AMBRA1: variants seen among roughly 807,000 people sequenced by gnomAD.
The protein encoded by AMBRA1 is autophagy and beclin 1 regulator 1, also known as activating molecule in BECN1-regulated autophagy protein 1.
Under a neutral mutation model 125.4 loss-of-function variants are expected in AMBRA1, and 47 were observed. The observed-to-expected ratio is 0.37, with a 90% CI of 0.30 to 0.48. The LOEUF is 0.48. AMBRA1 is among the 20% of genes least tolerant of loss of function. AMBRA1 has a pLI of 0.99. For synonymous variants in AMBRA1, 626 were observed against 655.5 expected (o/e 0.95, Z 0.69); for missense variants, 1,331 against 1,693.4 (o/e 0.79, Z 3.76).
intron 11 of AMBRA1, among the ~76,000 whole-genome samples, chr11:46,479,614 T>C (rs1252986155): frequency 6.6e-6 from 1 of 151,954 alleles, no homozygotes; most frequent in Non-Finnish European, 1.5e-5. Context: ...GGAGAATCAC[T>C]TGAACCCAGG....
At chr11:46,508,744 T>C (rs1951153052) in intron 8 of AMBRA1, among the ~76,000 whole-genome samples, 1 of 152,344 alleles carries the variant, frequency 6.6e-6, no homozygotes, top group East Asian at 1.9e-4. Context: ...TCACCATCCA[T>C]ACGCAAAATG....
chr11:46,464,569 AG>A (rs1424646778), intron 11 of AMBRA1, among the ~76,000 whole-genome samples: 8 of 152,100 alleles, frequency 5.3e-5, no homozygotes, highest in Admixed American at 3.3e-4. Flanking sequence ...TGTGTTCATG[AG>A]TGTGTTATTA....
intron 7 of AMBRA1, among the ~76,000 whole-genome samples, chr11:46,529,650 C>T (rs939817143): frequency 1.3e-5 from 2 of 152,162 alleles, no homozygotes; most frequent in Non-Finnish European, 2.9e-5. Flanking sequence ...CATGCCTTGA[C>T]GAAAGGGGCT....
At chr11:46,524,481 G>A (rs942912991) in intron 7 of AMBRA1, among the ~76,000 whole-genome samples, 1 of 152,198 alleles carries the variant, frequency 6.6e-6, no homozygotes, top group Non-Finnish European at 1.5e-5. Flanking sequence ...AGAAAACTCT[G>A]AGTAACTAAA....
chr11:46,561,111 T>C (rs932016163), intron 1 of AMBRA1, among the ~76,000 whole-genome samples: 8 of 152,178 alleles, frequency 5.3e-5, no homozygotes, highest in African/African-American at 1.9e-4. Flanking sequence ...CCAGGCGCAG[T>C]AGCTCACACC....
intron 1 of AMBRA1, among the ~76,000 whole-genome samples, chr11:46,581,407 G>C (rs1444884687): frequency 6.6e-6 from 1 of 151,920 alleles, no homozygotes; most frequent in African/African-American, 2.4e-5. Context: ...AGGAGATCGA[G>C]ACCATCCTGG....
chr11:46,418,379 T>C (rs1946673327), intron 14 of AMBRA1, among the ~76,000 whole-genome samples: 1 of 144,458 alleles, frequency 6.9e-6, no homozygotes, highest in Admixed American at 7.1e-5. Flanking sequence ...TATATATAAA[T>C]ATATATATTT....
chr11:46,517,146 C>CT (rs369058163), intron 7 of AMBRA1, among the ~76,000 whole-genome samples: 3,213 of 121,978 alleles, frequency 0.026, 84 homozygotes, highest in African/African-American at 0.036. Context: ...TACTCAAAAG[C>CT]TTTTTTTTTT....
chr11:46,431,921 A>G (rs1947470603), intron 14 of AMBRA1, among the ~76,000 whole-genome samples: 1 of 152,248 alleles, frequency 6.6e-6, no homozygotes, highest in African/African-American at 2.4e-5. Context: ...TGATATCAAG[A>G]GGACAGAATG....
intron 12 of AMBRA1, among the ~76,000 whole-genome samples, chr11:46,441,239 C>T (rs1947986941): frequency 6.6e-6 from 1 of 152,108 alleles, no homozygotes; most frequent in Non-Finnish European, 1.5e-5. Context: ...CTGGGCCGGG[C>T]ACGGTGGCTC....
chr11:46,443,152 A>G (rs1948102987), intron 12 of AMBRA1, among the ~76,000 whole-genome samples: 1 of 152,250 alleles, frequency 6.6e-6, no homozygotes, highest in South Asian at 2.1e-4. Flanking sequence ...CTAGTAGTTC[A>G]CTGGTCAAAA....
At chr11:46,477,648 G>C (rs774743448) in intron 11 of AMBRA1, among the ~76,000 whole-genome samples, 1 of 151,868 alleles carries the variant, frequency 6.6e-6, no homozygotes, top group Non-Finnish European at 1.5e-5. Flanking sequence ...TTGAGGACAC[G>C]TCTTTATTGT....
In AMBRA1 at chr11:46,588,775, CAAAAA is replaced by C. The variant is rs201030293; in HGVS notation, c.-121+5048_-121+5052del. The stretch of plus-strand genomic sequence containing the variant: ...GGGCAACAAGAGCGAAACTCCATCT[CAAAAA>C]AAAAAAAAAAAAAGTATTATGATGG... On this transcript the variant is annotated intron_variant, in intron 1 of 17. Transcript: ENST00000683756. Among the ~76,000 whole-genome samples, 58 of 97,982 alleles carry C rather than the reference CAAAAA, an allele frequency of 5.9e-4. 1 individual carries two copies. Among genetic ancestry groups the C allele is most frequent in the Non-Finnish European group, 4.4e-5 (2 of 45,222 alleles). The allele number at this position is 97,982 out of a possible 152,430, so 64.3% of individuals were successfully genotyped here.
intron 14 of AMBRA1, among the ~76,000 whole-genome samples, chr11:46,430,138 TAAAG>T (rs1947381889): frequency 6.6e-6 from 1 of 151,906 alleles, no homozygotes; most frequent in African/African-American, 2.4e-5. Context: ...TGATTCAACA[TAAAG>T]AAAAGACTCC....
chr11:46,402,809 T>C (rs1425583871), intron 17 of AMBRA1, among the ~76,000 whole-genome samples: 1 of 152,162 alleles, frequency 6.6e-6, no homozygotes, highest in Non-Finnish European at 1.5e-5. Context: ...AAAGAATGAA[T>C]GGAAGATTTT....
chr11:46,448,308 T>C (rs1284640367), intron 11 of AMBRA1, among the ~76,000 whole-genome samples: 1 of 152,154 alleles, frequency 6.6e-6, no homozygotes, highest in Non-Finnish European at 1.5e-5. Context: ...AAAAGATAAC[T>C]GGAAAATCCT....
intron 7 of AMBRA1, among the ~76,000 whole-genome samples, chr11:46,526,768 T>C (rs1210443191): frequency 6.6e-6 from 1 of 152,126 alleles, no homozygotes; most frequent in East Asian, 1.9e-4. Context: ...TGAATCGGTT[T>C]TAAGTCACTA....
At chr11:46,476,474 C>T (rs778922064) in intron 11 of AMBRA1, among the ~76,000 whole-genome samples, 38 of 152,178 alleles carry the variant, frequency 2.5e-4, no homozygotes, top group African/African-American at 3.4e-4. Flanking sequence ...CTGCTTCTAT[C>T]CCATAGGACC....
At chr11:46,486,222 T>C (rs1382963819) in intron 11 of AMBRA1, among the ~76,000 whole-genome samples, 4 of 152,196 alleles carry the variant, frequency 2.6e-5, no homozygotes, top group Non-Finnish European at 5.9e-5. Context: ...GTTATCTGCC[T>C]GGCTACTGGG....
Sources: allele counts gnomAD v4.1 joint callset (sites outside exome capture counted in the v4.1 genomes callset), GRCh38; gene constraint gnomAD v4.1.1; transcripts MANE v1.5; gene names NCBI Gene and HGNC (gene_info 2026-07-23, HGNC 2026-07-21).